Variants in POLRMT observed in about 807,000 individuals in gnomAD.
POLRMT encodes RNA polymerase mitochondrial.
A neutral mutation model predicts 132.2 loss-of-function variants in POLRMT; 114 were observed. The ratio of observed to expected loss-of-function variants is 0.86; its 90% confidence interval spans 0.74 to 1.01. The LOEUF (loss-of-function observed/expected upper bound fraction) is 1.01, where lower values mean the gene tolerates loss of function less well. POLRMT is among the 50% of genes least tolerant of loss of function. POLRMT has a pLI of 0.00. For synonymous variants in POLRMT, 1,020 were observed against 773.4 expected, an observed-to-expected ratio of 1.32 and a Z score of -5.29; for missense variants, 2,003 against 1,729.1, an observed-to-expected ratio of 1.16 and a Z score of -2.81.
Position 623,132 on chromosome 19 carries a change from G to T in POLRMT, c.1291-147C>A, listed in dbSNP as rs1187576037. The T allele has an allele frequency of 4.4e-6, 5 of 1,130,278 alleles. No homozygotes were observed. The African/African-American group carries it at 4.7e-5, about 11-fold the overall frequency. The allele number at this position is 1,130,278 out of a possible 1,614,324, so 70.0% of individuals were successfully genotyped here. On this transcript the variant is annotated intron_variant, in intron 6 of 20. Coordinates refer to ENST00000588649, the MANE Select transcript of POLRMT (RefSeq NM_005035.4). ...TCCGGGTAGCTCCTCACCCCGGCCT[G>T]CCCTCTGCCGGCTTCAGCGTGCCTG...
At chr19:618,931 G>A (rs1405380193) in intron 15 of POLRMT, 66 bp downstream of exon 15, 2 of 1,403,138 alleles carry the variant, frequency 1.4e-6, no homozygotes, top group Non-Finnish European at 2.0e-6. Context: ...CTGGGGCACT[G>A]GTACACTGGG....
Position 618,481 on chromosome 19 carries a change from C to T in POLRMT, c.3422+7G>A, listed in dbSNP as rs540332720. 147 of 1,589,782 alleles carry T rather than the reference C, an allele frequency of 9.2e-5. No individual in the cohort carries two copies. The highest frequency in any genetic ancestry group is 1.1e-4 in the Non-Finnish European group (125 of 1,162,194). On this transcript the variant is annotated splice_region_variant and intron_variant, in intron 17 of 20. Transcript: ENST00000588649. ...GAGCGGCACCCACGCCGTCCGGAGA[C>T]GCCCACCTGTAGCAGTGCAGGGCGG...
intron 13 of POLRMT, 114 bp from the exon 14 acceptor site, chr19:619,410 G>C: frequency 1.4e-6 from 2 of 1,382,688 alleles, no homozygotes; most frequent in South Asian, 2.5e-5. Context: ...AGGGGGGCAG[G>C]GGAATGGGGC....
At position 630,214 on chromosome 19, in the gene POLRMT, T is replaced by C. The variant is rs1323652007; in HGVS notation, c.194-46A>G. On this transcript the variant is annotated intron_variant, in intron 2 of 20. Transcript: ENST00000588649. Reference sequence around the variant, plus strand: ...GGACATGAGAGGGACCCCCTCCCCATTCGAGCACCCGTCTCTCTGGACCCT... The same window carrying C: ...GGACATGAGAGGGACCCCCTCCCCACTCGAGCACCCGTCTCTCTGGACCCT... The C allele has an allele frequency of 2.6e-6, 4 of 1,527,894 alleles. No individual in the cohort carries two copies. The South Asian group carries it at 5.1e-5, about 19-fold the overall frequency. The allele number at this position is 1,527,894 out of a possible 1,614,324, so 94.6% of individuals were successfully genotyped here.
rs569741427 is a variant in POLRMT, at chr19:620,376, G to A, written c.2752C>T (p.Pro918Ser). 2 of 1,578,318 alleles carry A rather than the reference G, an allele frequency of 1.3e-6. No individual in the cohort carries two copies. The highest frequency in any genetic ancestry group is 2.3e-5 in the East Asian group (1 of 43,098). ...SDPAAYVSHL[P>S]VHQDGSCNGL... ...CCCAGCTGGCTCACCTGATGGACGG[G>A]GAGGTGGGAGACATAGGCGGCAGGG... Residue 918 changes from proline (P) to serine (S), a missense_variant, in exon 11 of 21, where the codon CCC becomes TCC. Coordinates refer to ENST00000588649, the MANE Select transcript of POLRMT (RefSeq NM_005035.4).
chr19:618,932 G>A (rs906203140), intron 15 of POLRMT, 65 bp downstream of exon 15: 2 of 1,408,572 alleles, frequency 1.4e-6, no homozygotes, highest in Non-Finnish European at 1.9e-6. Context: ...TGGGGCACTG[G>A]TACACTGGGA....
Position 621,061 on chromosome 19 carries a change from C to G in POLRMT, c.2637G>C (p.Leu879Phe), listed in dbSNP as rs771922630. ...DDILDSADQP[L>F]TGRKWWMGAE... ...AATGCGGGGGCCCCGCCCCTACCGT[C>G]AAGGGTTGGTCCGCGGAGTCCAGGA... Residue 879 changes from leucine (L) to phenylalanine (F), a missense_variant, in exon 10 of 21, where the codon TTG becomes TTC. Physicochemically the swap from Leu to Phe is conservative, Grantham distance 22. Transcript: ENST00000588649. 8.1e-5 allele frequency: 129 copies of G among 1,594,974 alleles called. 14 individuals carry two copies. The highest frequency in any genetic ancestry group is 1.0e-4 in the Non-Finnish European group (118 of 1,174,012).
rs1984519802 is a variant in POLRMT at position 620,999 on chromosome 19, CGCCGGGGG to C, written c.2640+51_2640+58del. The C allele has an allele frequency of 4.0e-6, 5 of 1,249,988 alleles. No individual in the cohort carries two copies. The South Asian group carries it at 4.5e-5, about 11-fold the overall frequency. 77.4% of individuals were successfully genotyped at this position (1,249,988 alleles called of 1,614,324 possible). A position where few individuals can be genotyped will look rare whatever the true frequency, so the allele number is the denominator to read the frequency against. On this transcript the variant is annotated intron_variant, in intron 10 of 20. Transcript: ENST00000588649. ...GGGGCGCCGGGGGAGGGCGCGGGGGCGCCGGGGGAGGGCGCGGGGGTGCCGGGAGGGCG... is the reference window on the plus strand; with the variant it reads ...GGGGCGCCGGGGGAGGGCGCGGGGGCAGGGCGCGGGGGTGCCGGGAGGGCG...
rs1436029330 is a variant in POLRMT, at chr19:620,155, G to A, written c.2764-75C>T. 1.8e-5 allele frequency: 28 copies of A among 1,517,310 alleles called. 1 individual carries two copies. Among genetic ancestry groups the A allele is most frequent in the Non-Finnish European group, 2.2e-5 (25 of 1,134,336 alleles). The allele number at this position is 1,517,310 out of a possible 1,614,324, so 94.0% of individuals were successfully genotyped here. A position where few individuals can be genotyped will look rare whatever the true frequency, so the allele number is the denominator to read the frequency against. ...TGTGGGACCCCAAACCACCCCCCAGGTCGAGCCGTTCCTAGGGCCGTGCAC... is the reference window on the plus strand; with the variant it reads ...TGTGGGACCCCAAACCACCCCCCAGATCGAGCCGTTCCTAGGGCCGTGCAC... On this transcript the variant is annotated intron_variant, in intron 11 of 20. Transcript: ENST00000588649.
intron 10 of POLRMT, among the ~76,000 whole-genome samples, chr19:620,831 G>A (rs540349688): frequency 0.024 from 2,867 of 117,130 alleles, 194 homozygotes; most frequent in African/African-American, 0.094. Flanking sequence ...AGGGGAGAAG[G>A]GAGAAGCAGG....
At chr19:633,378 C>T (rs1055946623) in intron 1 of POLRMT, 47 bp downstream of exon 1, 1 of 1,454,906 alleles carries the variant, frequency 6.9e-7, no homozygotes, top group Non-Finnish European at 9.1e-7. Context: ...CGGGGAGGAG[C>T]CCACGCCGTG....
intron 5 of POLRMT, among the ~76,000 whole-genome samples, chr19:624,078 C>G (rs1009329502): frequency 1.3e-5 from 2 of 152,254 alleles, no homozygotes; most frequent in Admixed American, 6.5e-5. Flanking sequence ...GTAGAAACAG[C>G]CCAACGTCCC....
rs1439491319 is a variant in POLRMT, at chr19:620,035, C to T, written c.2809G>A (p.Asp937Asn). 5.1e-6 allele frequency: 8 copies of T among 1,561,426 alleles called. No individual in the cohort carries two copies. Among genetic ancestry groups the T allele is most frequent in the South Asian group, 1.2e-5 (1 of 86,462 alleles). Residue 937 changes from aspartate (D) to asparagine (N), a missense_variant, in exon 12 of 21, where the codon GAC becomes AAC. By Grantham distance (23) the Asp-to-Asn change is conservative. Coordinates refer to ENST00000588649, the MANE Select transcript of POLRMT (RefSeq NM_005035.4). ...TTGACGGAGGCGGCGCCCACGCTGT[C>T]GCGGCCCAGAGCAGCATAATGCTGC... Reference protein sequence around the residue: ...GLQHYAALGRDSVGAASVNLE... With the variant: ...GLQHYAALGRNSVGAASVNLE...
rs767156026 is a variant in POLRMT, at chr19:624,885, T to C, written c.974A>G (p.Gln325Arg). The C allele has an allele frequency of 3.1e-6, 5 of 1,612,140 alleles. No homozygotes were observed. The African/African-American group carries it at 4.0e-5, about 13-fold the overall frequency. Residue 325 changes from glutamine (Q) to arginine (R), a missense_variant, in exon 5 of 21, where the codon CAG becomes CGG. By Grantham distance (43) the Gln-to-Arg change is conservative. Coordinates refer to ENST00000588649, the MANE Select transcript of POLRMT (RefSeq NM_005035.4). ...TIERCLEQMS[Q>R]EGLKLQALFT... is the part of the protein sequence containing the mutation. ...GAGTGCCTGCAGCTTCAGCCCCTCC[T>C]GGCTCATCTGTTCCAGACACCTGTG... is the stretch of plus-strand genomic sequence containing the variant.
rs373285947 is a variant in POLRMT at position 619,249 on chromosome 19, C to T, written c.3114G>A (p.Lys1038=). The change falls in exon 14 of 21, where the codon AAG becomes AAA. Residue 1038 remains lysine, a synonymous_variant. Coordinates refer to ENST00000588649, the MANE Select transcript of POLRMT (RefSeq NM_005035.4). Reference sequence around the variant, plus strand: ...TCCCCGAGAACATCTCCTGTAGACTCTTGAAGACCTGGCGTACGAGATAGT... The same window carrying T: ...TCCCCGAGAACATCTCCTGTAGACTTTTGAAGACCTGGCGTACGAGATAGT... The part of the protein sequence containing the change: ...ASHYLVRQVF[K]SLQEMFSGTR... 5.0e-6 allele frequency: 8 copies of T among 1,607,682 alleles called. No individual in the cohort carries two copies. In the Admixed American group the frequency reaches 6.7e-5, roughly 14 times the overall value.
At chr19:623,716 G>T in intron 5 of POLRMT, 113 bp from the exon 6 acceptor site, 1 of 1,323,816 alleles carries the variant, frequency 7.6e-7, no homozygotes, top group Non-Finnish European at 1.0e-6. Flanking sequence ...AGTTGCTGGT[G>T]GCTATCGCTG....
chr19:618,105 C>G (rs1335906308), intron 17 of POLRMT: 2 of 572,180 alleles, frequency 3.5e-6, no homozygotes. Context: ...GCCTCAGCTC[C>G]GAGGGCGGCT....
Position 621,592 on chromosome 19 carries a change from C to A in POLRMT, c.2106G>T (p.Leu702=). The change falls in exon 10 of 21, where the codon CTG becomes CTT. Residue 702 remains leucine, a synonymous_variant. Transcript: ENST00000588649. The part of the protein sequence containing the change: ...LHGALDALTQ[L]GNCAWRVNGR... Reference sequence around the variant, plus strand: ...CGTTGACGCGCCAGGCGCAGTTGCCCAGTTGGGTGAGGGCGTCCAGTGCGC... The same window carrying A: ...CGTTGACGCGCCAGGCGCAGTTGCCAAGTTGGGTGAGGGCGTCCAGTGCGC... The A allele has an allele frequency of 6.7e-7, 1 of 1,490,150 alleles. No individual in the cohort carries two copies. Among genetic ancestry groups the A allele is most frequent in the Non-Finnish European group, 8.9e-7 (1 of 1,123,268 alleles). The allele number at this position is 1,490,150 out of a possible 1,614,324, so 92.3% of individuals were successfully genotyped here.
rs199600661 is a variant in POLRMT at position 629,739 on chromosome 19, T to C, written c.623A>G (p.Gln208Arg). Residue 208 changes from glutamine to arginine, a missense_variant, in exon 3 of 21, where the codon CAG becomes CGG. Coordinates refer to ENST00000588649, the MANE Select transcript of POLRMT (RefSeq NM_005035.4). ...CTGCGAGTGCTGCCCCGACGGGGCCTGCTCCACATCGAGGCTCAGCTTCCC... is the reference window on the plus strand; with the variant it reads ...CTGCGAGTGCTGCCCCGACGGGGCCCGCTCCACATCGAGGCTCAGCTTCCC... ...APGKLSLDVE[Q>R]APSGQHSQAQ... is the part of the protein sequence containing the mutation. 8 of 1,577,438 alleles carry C rather than the reference T, an allele frequency of 5.1e-6. No individual in the cohort carries two copies. In the East Asian group the frequency reaches 6.8e-5, roughly 13 times the overall value.
Sources: allele counts gnomAD v4.1 joint callset (sites outside exome capture counted in the v4.1 genomes callset), GRCh38; gene constraint gnomAD v4.1.1; transcripts MANE v1.5; gene names NCBI Gene and HGNC (gene_info 2026-07-23, HGNC 2026-07-21).